ZNF571: variants seen among roughly 807,000 people sequenced by gnomAD.
ZNF571 encodes the protein zinc finger protein 571.
In ZNF571, 4 loss-of-function variants were observed where a neutral mutation model predicts 7.7. That is an observed-to-expected ratio of 0.52 (90% confidence interval 0.25 to 1.18). ZNF571 has a LOEUF of 1.18. Among genes scored for constraint, ZNF571 ranks in the 50% most tolerant of loss-of-function variants. ZNF571 has a pLI of 0.14. For synonymous variants in ZNF571, 251 were observed against 232.4 expected (o/e 1.08, Z -0.73); for missense variants, 704 against 726.9 (o/e 0.97, Z 0.36).
At chr19:37,591,261 A>G (rs1019540131) in intron 1 of ZNF571, among the ~76,000 whole-genome samples, 5 of 152,196 alleles carry the variant, frequency 3.3e-5, no homozygotes, top group African/African-American at 4.8e-5. Context: ...GAAATGTAGA[A>G]GTTGATCTTG....
intron 2 of ZNF571, chr19:37,586,045 T>A (rs763405866): frequency 3.3e-5 from 5 of 152,256 alleles, no homozygotes; most frequent in Non-Finnish European, 5.9e-5. Flanking sequence ...GCTAATACTA[T>A]GATATTAGCC....
At chr19:37,593,957 G>A (rs1373710460) in intron 1 of ZNF571, 1 of 152,120 alleles carries the variant, frequency 6.6e-6, no homozygotes, top group African/African-American at 2.4e-5. Context: ...CTTCACACAA[G>A]ACTTTCAGAA....
chr19:37,578,834 ACT>A (rs1351133789), intron 3 of ZNF571, among the ~76,000 whole-genome samples: 9 of 152,132 alleles, frequency 5.9e-5, no homozygotes, highest in Non-Finnish European at 1.3e-4. Flanking sequence ...CTCCGCCTAA[ACT>A]CTGGTGGCCT....
At chr19:37,585,954 C>A (rs141709923) in intron 2 of ZNF571, 1 of 152,274 alleles carries the variant, frequency 6.6e-6, no homozygotes, top group Non-Finnish European at 1.5e-5. Flanking sequence ...CCCCAGGGAT[C>A]GTGGACAGCC....
intron 3 of ZNF571, among the ~76,000 whole-genome samples, chr19:37,578,791 AG>A (rs1382590969): frequency 1.3e-5 from 2 of 152,160 alleles, no homozygotes; most frequent in Non-Finnish European, 2.9e-5. Flanking sequence ...AGGCTCTTCC[AG>A]CGCAGCAACC....
At chr19:37,573,134 TC>T (rs1324467128) in intron 3 of ZNF571, among the ~76,000 whole-genome samples, 5 of 136,532 alleles carry the variant, frequency 3.7e-5, no homozygotes, top group Non-Finnish European at 7.0e-5. Context: ...CTCTTCCAAC[TC>T]TTTTTTTTTT....
intron 3 of ZNF571, among the ~76,000 whole-genome samples, chr19:37,582,660 C>T (rs1470452409): frequency 5.9e-5 from 9 of 152,290 alleles, no homozygotes; most frequent in Admixed American, 3.3e-4. Flanking sequence ...ATATCAAATA[C>T]GTAACTCTTG....
At chr19:37,571,374 T>C (rs2043045791) in intron 3 of ZNF571, among the ~76,000 whole-genome samples, 1 of 152,002 alleles carries the variant, frequency 6.6e-6, no homozygotes, top group African/African-American at 2.4e-5. Context: ...CAGGCACCTG[T>C]AATCCCAGCT....
At chr19:37,591,349 GA>G (rs1432986269) in intron 1 of ZNF571, among the ~76,000 whole-genome samples, 11 of 152,120 alleles carry the variant, frequency 7.2e-5, no homozygotes, top group Admixed American at 4.6e-4. Flanking sequence ...GAACTGCCTG[GA>G]AAGGACTACC....
chr19:37,586,399 A>C, intron 2 of ZNF571: 1 of 481,928 alleles, frequency 2.1e-6, no homozygotes. Flanking sequence ...AAAAGGAGGT[A>C]TTTCTGTTCC....
At chr19:37,573,135 CTT>C (rs138972594) in intron 3 of ZNF571, among the ~76,000 whole-genome samples, 1 of 150,268 alleles carries the variant, frequency 6.7e-6, no homozygotes, top group Non-Finnish European at 1.5e-5. Context: ...TCTTCCAACT[CTT>C]TTTTTTTTCT....
chr19:37,583,310 CG>C (rs1465264516), intron 3 of ZNF571, among the ~76,000 whole-genome samples: 1 of 152,086 alleles, frequency 6.6e-6, no homozygotes, highest in Non-Finnish European at 1.5e-5. Context: ...CCAGGAAAAA[CG>C]TAATTCAAAA....
At chr19:37,566,948 CT>C (rs1227271803) in intron 3 of ZNF571, among the ~76,000 whole-genome samples, 2 of 152,150 alleles carry the variant, frequency 1.3e-5, no homozygotes, top group Non-Finnish European at 2.9e-5. Context: ...ACTTTGGCCA[CT>C]TTTCTGATAT....
chr19:37,589,863 T>TAAAAAA (rs1228213871), intron 1 of ZNF571, among the ~76,000 whole-genome samples: 1 of 2,334 alleles, frequency 4.3e-4, no homozygotes, highest in African/African-American at 6.1e-3. Context: ...AGACTCCATC[T>TAAAAAA]CAAAAAAAAA....
intron 3 of ZNF571, among the ~76,000 whole-genome samples, chr19:37,567,065 C>G (rs1037150732): frequency 1.3e-5 from 2 of 152,122 alleles, no homozygotes; most frequent in Non-Finnish European, 1.5e-5. Context: ...TTTAGAATGC[C>G]CTTCCTCTAG....
intron 1 of ZNF571, 55 bp from the exon 2 acceptor site, chr19:37,586,800 AACT>A: frequency 1.1e-6 from 1 of 934,764 alleles, no homozygotes; most frequent in Admixed American, 2.3e-5. Context: ...CCACAAAATA[AACT>A]ACTTAGAACT....
At chr19:37,571,691 A>G (rs2043058405) in intron 3 of ZNF571, among the ~76,000 whole-genome samples, 1 of 152,178 alleles carries the variant, frequency 6.6e-6, no homozygotes. Context: ...TATTTTTGAC[A>G]TTATCCAGAA....
chr19:37,572,917 TTGAA>T (rs1224601312), intron 3 of ZNF571, among the ~76,000 whole-genome samples: 3 of 60,458 alleles, frequency 5.0e-5, no homozygotes, highest in African/African-American at 2.1e-4. Flanking sequence ...CAAACTGACA[TTGAA>T]TGACTTTCAA....
intron 3 of ZNF571, among the ~76,000 whole-genome samples, chr19:37,579,127 C>T (rs1352110569): frequency 6.6e-6 from 1 of 152,196 alleles, no homozygotes; most frequent in Non-Finnish European, 1.5e-5. Flanking sequence ...GCTCCCACCA[C>T]CTAAGTGTTC....
Sources: gnomAD v4.1 joint callset for allele counts (sites outside exome capture counted in the v4.1 genomes callset) on GRCh38, gnomAD v4.1.1 for gene constraint, MANE v1.5 for transcripts, NCBI Gene and HGNC (gene_info 2026-07-23, HGNC 2026-07-21) for gene names.